Variants in OPHN1 observed in about 807,000 individuals in gnomAD.
OPHN1 encodes oligophrenin 1, also known as oligophrenin-1.
In OPHN1, 11 loss-of-function variants were observed where a neutral mutation model predicts 60.7. The observed-to-expected ratio is 0.18, with a 90% CI of 0.11 to 0.30. The LOEUF is 0.30. OPHN1 is among the 10% of genes least tolerant of loss of function. The probability of loss-of-function intolerance (pLI) is 1.00; values close to 1 mark genes in which losing one functional copy is unlikely to be tolerated. For synonymous variants in OPHN1, 226 were observed against 222.6 expected, an observed-to-expected ratio of 1.02 and a Z score of -0.14; for missense variants, 449 against 611.0, an observed-to-expected ratio of 0.73 and a Z score of 2.80.
chrX:68,217,627 C>A (rs1352578663), intron 6 of OPHN1, among the ~76,000 whole-genome samples: 1 of 109,744 alleles, frequency 9.1e-6, no homozygotes, highest in Admixed American at 9.7e-5. Flanking sequence ...GACCCCTGAC[C>A]CCCAAGCAGC....
chrX:68,405,257 G>T (rs1051555182), intron 2 of OPHN1, among the ~76,000 whole-genome samples: 1 of 111,887 alleles, frequency 8.9e-6, no homozygotes, highest in East Asian at 2.8e-4. Context: ...AGGCTGGAAT[G>T]AAGTGGTGTG....
chrX:68,092,818 C>T (rs952907984), intron 19 of OPHN1, among the ~76,000 whole-genome samples: 1 of 111,293 alleles, frequency 9.0e-6, no homozygotes, highest in Non-Finnish European at 1.9e-5. Flanking sequence ...GCATTTGCCC[C>T]TAAAAATGCA....
chrX:68,056,667 C>T (rs1454084099), intron 21 of OPHN1, among the ~76,000 whole-genome samples: 2 of 111,242 alleles, frequency 1.8e-5, no homozygotes, highest in East Asian at 2.8e-4. Context: ...CTCTCCCAGA[C>T]GATAACTGCT....
rs759350622 is a variant in OPHN1 at position 68,046,351 on chromosome X, C to T, written c.*821G>A. ...AATAGAACTCCTACAGGACCAAACA[C>T]AGTCTCCTTTTTTTAAAAAGAAATG... On this transcript the variant is annotated 3_prime_UTR_variant, in exon 25 of 25. Coordinates refer to ENST00000355520, the MANE Select transcript of OPHN1 (RefSeq NM_002547.3). 2.7e-5 allele frequency: 3 copies of T among 112,592 alleles called. No individual in the cohort carries two copies. The highest frequency in any genetic ancestry group is 5.6e-5 in the Non-Finnish European group (3 of 53,310). The allele number at this position is 112,592 out of a possible 1,213,427, so 9.3% of individuals were successfully genotyped here. A position where few individuals can be genotyped will look rare whatever the true frequency, so the allele number is the denominator to read the frequency against.
chrX:68,258,393 TCCC>T (rs1311566874), intron 5 of OPHN1, among the ~76,000 whole-genome samples: 1 of 18,047 alleles, frequency 5.5e-5, no homozygotes, highest in East Asian at 1.9e-3. Flanking sequence ...ATGCTACCCC[TCCC>T]CCCTCCCCCC....
chrX:68,281,644 A>G (rs1287422289), intron 4 of OPHN1, among the ~76,000 whole-genome samples: 1 of 112,389 alleles, frequency 8.9e-6, no homozygotes, highest in Non-Finnish European at 1.9e-5. Context: ...CAAGCCACAG[A>G]CGAGGAGAAA....
chrX:68,114,525 C>A (rs1436388567), intron 16 of OPHN1, among the ~76,000 whole-genome samples: 1 of 111,132 alleles, frequency 9.0e-6, no homozygotes, highest in Non-Finnish European at 1.9e-5. Flanking sequence ...CTTTGGGAGG[C>A]CAAGGCAGGA....
chrX:68,288,584 G>A (rs192875602), intron 3 of OPHN1, among the ~76,000 whole-genome samples: 157 of 110,536 alleles, frequency 1.4e-3, no homozygotes, highest in Non-Finnish European at 2.6e-3. Context: ...CCAACATCGT[G>A]AGACCCCCGT....
At chrX:68,348,102 G>A (rs1222669408) in intron 2 of OPHN1, among the ~76,000 whole-genome samples, 1 of 111,845 alleles carries the variant, frequency 8.9e-6, no homozygotes, top group Non-Finnish European at 1.9e-5. Context: ...GGGCACATGA[G>A]TTATCTGAAA....
chrX:68,196,710 T>C (rs5964651), intron 12 of OPHN1, among the ~76,000 whole-genome samples: 12,361 of 111,754 alleles, frequency 0.11, 1,710 homozygotes, highest in African/African-American at 0.39. Context: ...CGCTACCAGC[T>C]GTACCCTCAA....
chrX:68,428,598 C>T (rs973578968), intron 2 of OPHN1, among the ~76,000 whole-genome samples: 4 of 112,323 alleles, frequency 3.6e-5, no homozygotes, highest in African/African-American at 9.7e-5. Flanking sequence ...GACTTGAACA[C>T]GGTATGTGTC....
chrX:68,136,291 C>CTTTTTTTTTTTTTTT (rs779712280), intron 15 of OPHN1, among the ~76,000 whole-genome samples: 3 of 64,114 alleles, frequency 4.7e-5, no homozygotes, highest in African/African-American at 1.4e-4. Context: ...AATATCTTTT[C>CTTTTTTTTTTTTTTT]TTTTTTTTTT....
intron 3 of OPHN1, among the ~76,000 whole-genome samples, chrX:68,287,394 AGAGGCCAAGGCAGGAGGATTGCTTGT>A (rs1172659464): frequency 4.7e-5 from 5 of 106,938 alleles, no homozygotes; most frequent in South Asian, 4.4e-4. Flanking sequence ...CTTTAATCTC[AGAGGCCAAGGCAGGAGGATTGCTTGT>A]GAGGCCAAGG....
intron 5 of OPHN1, among the ~76,000 whole-genome samples, chrX:68,262,879 A>C (rs867433782): frequency 9.0e-6 from 1 of 111,038 alleles, no homozygotes; most frequent in African/African-American, 3.3e-5. Flanking sequence ...CAGGAAAGGA[A>C]AGGAACAAAT....
At chrX:68,366,667 T>C (rs1019255727) in intron 2 of OPHN1, among the ~76,000 whole-genome samples, 2 of 111,527 alleles carry the variant, frequency 1.8e-5, no homozygotes, top group Non-Finnish European at 3.8e-5. Context: ...ATATTTTACA[T>C]TTTAACATTT....
chrX:68,341,217 A>C (rs1015157349), intron 2 of OPHN1, among the ~76,000 whole-genome samples: 1 of 110,206 alleles, frequency 9.1e-6, no homozygotes, highest in Non-Finnish European at 1.9e-5. Flanking sequence ...TGCAAGGATC[A>C]AGCTGAAAAC....
chrX:68,113,982 G>A (rs5007096), intron 16 of OPHN1, among the ~76,000 whole-genome samples: 48,526 of 102,077 alleles, frequency 0.48, 10,261 homozygotes, highest in South Asian at 0.71. Context: ...AAAAAAAAAA[G>A]AAAAAAAAAA....
chrX:68,173,527 G>T (rs181025216), intron 15 of OPHN1, among the ~76,000 whole-genome samples: 45 of 111,339 alleles, frequency 4.0e-4, no homozygotes, highest in Non-Finnish European at 6.8e-4. Flanking sequence ...CAGACAATTA[G>T]GCATCATACC....
intron 19 of OPHN1, among the ~76,000 whole-genome samples, chrX:68,085,963 G>T (rs2076993544): frequency 9.0e-6 from 1 of 110,998 alleles, no homozygotes; most frequent in Non-Finnish European, 1.9e-5. Context: ...AGGATCACAT[G>T]AGGTCGGGAG....
Sources: allele counts gnomAD v4.1 joint callset (sites outside exome capture counted in the v4.1 genomes callset), GRCh38; gene constraint gnomAD v4.1.1; transcripts MANE v1.5; gene names NCBI Gene and HGNC (gene_info 2026-07-23, HGNC 2026-07-21).